The following IGSF9 variants were observed in gnomAD, a reference collection of about 807,000 sequenced individuals.
IGSF9 encodes immunoglobulin superfamily member 9.
A neutral mutation model predicts 121.7 loss-of-function variants in IGSF9; 87 were observed. The ratio of observed to expected loss-of-function variants is 0.71; its 90% CI spans 0.60 to 0.85. The LOEUF is 0.85. IGSF9 is among the 40% of genes least tolerant of loss of function. IGSF9 has a pLI of 0.00. For synonymous variants in IGSF9, 640 were observed against 648.4 expected, an observed-to-expected ratio of 0.99 and a Z score of 0.20; for missense variants, 1,462 against 1,565.3, an observed-to-expected ratio of 0.93 and a Z score of 1.11.
Position 159,934,840 on chromosome 1 carries a change from G to A in IGSF9, c.674-18C>T. 6.2e-7 allele frequency: 1 copy of A among 1,613,596 alleles called. No individual in the cohort carries two copies. Among genetic ancestry groups the A allele is most frequent in the Non-Finnish European group, 8.5e-7 (1 of 1,179,910 alleles). On this transcript the variant is annotated intron_variant, in intron 6 of 20. Coordinates refer to ENST00000368094, the MANE Select transcript of IGSF9 (RefSeq NM_001135050.2). ...TGGGGGTCCTGTGGGATGCACAAGGGGAGGAAGGTGGCCTCAGCCCACAGT... is the reference window on the plus strand; with the variant it reads ...TGGGGGTCCTGTGGGATGCACAAGGAGAGGAAGGTGGCCTCAGCCCACAGT...
rs888595523 is a variant in IGSF9, at chr1:159,931,306, G to A, written c.1514-45C>T. On this transcript the variant is annotated intron_variant, in intron 12 of 20. Coordinates refer to ENST00000368094, the MANE Select transcript of IGSF9 (RefSeq NM_001135050.2). The surrounding 1 kb of genome is among the most constrained non-coding windows in gnomAD (Gnocchi z 4.8). ...GGGATGGTGGTCAGGGCCTGAGGGAGTGTACAGAGTAGCAGGGGCCCCAGG... is the reference window on the plus strand; with the variant it reads ...GGGATGGTGGTCAGGGCCTGAGGGAATGTACAGAGTAGCAGGGGCCCCAGG... 1.2e-6 allele frequency: 2 copies of A among 1,612,868 alleles called. No individual in the cohort carries two copies. Among genetic ancestry groups the A allele is most frequent in the Non-Finnish European group, 8.5e-7 (1 of 1,179,178 alleles).
rs1202495640 is a variant in IGSF9 at position 159,929,394 on chromosome 1, C to T, written c.2327-1G>A. On this transcript the variant is annotated splice_acceptor_variant, in intron 17 of 20. Coordinates refer to ENST00000368094, the MANE Select transcript of IGSF9 (RefSeq NM_001135050.2). LOFTEE classifies it high-confidence loss of function. ...GTCGGAGAGAAGATAAGAGGTGGAT[C>T]TGGAAGGGCATGAGAATAGTAGGTG... 6.2e-7 allele frequency: 1 copy of T among 1,614,004 alleles called. No individual in the cohort carries two copies. The highest frequency in any genetic ancestry group is 1.3e-5 in the African/African-American group (1 of 74,926).
Position 159,931,204 on chromosome 1 carries a change from T to C in IGSF9, c.1571A>G (p.Asn524Ser), listed in dbSNP as rs1397297674. ...ATCAAAGCCAGGCTCCCAGGAGACATTGGCACCCTTGGGCAAAGCCACCAC... is the reference window on the plus strand; with the variant it reads ...ATCAAAGCCAGGCTCCCAGGAGACACTGGCACCCTTGGGCAAAGCCACCAC... ...VSVVALPKGA[N>S]VSWEPGFDGG... Residue 524 changes from asparagine (N) to serine (S), a missense_variant, in exon 13 of 21, where the codon AAT becomes AGT. Asn to Ser is a conservative substitution (Grantham distance 46, BLOSUM62 1). Around this residue, in one of 3 missense-constraint regions of IGSF9, gnomAD observed 96 missense variants for 150.7 expected, o/e 0.64. Transcript: ENST00000368094. The surrounding 1 kb of genome is among the most constrained non-coding windows in gnomAD (Gnocchi z 4.8). The C allele has an allele frequency of 7.4e-6, 12 of 1,614,034 alleles. No individual in the cohort carries two copies. The highest frequency in any genetic ancestry group is 1.7e-5 in the Admixed American group (1 of 60,016).
rs1255241983 is a variant in IGSF9 at position 159,931,434 on chromosome 1, C to G, written c.1513+19G>C. The G allele has an allele frequency of 6.2e-7, 1 of 1,608,936 alleles. No homozygotes were observed. The highest frequency in any genetic ancestry group is 1.3e-5 in the African/African-American group (1 of 74,838). On this transcript the variant is annotated intron_variant, in intron 12 of 20. Coordinates refer to ENST00000368094, the MANE Select transcript of IGSF9 (RefSeq NM_001135050.2). The surrounding 1 kb of genome is among the most constrained non-coding windows in gnomAD (Gnocchi z 4.8). Reference sequence around the variant, plus strand: ...CAAGTAGTTTCTCCCAGCCCCTGGCCCTCTCTCCAGCCACTAACCCAGCAC... The same window carrying G: ...CAAGTAGTTTCTCCCAGCCCCTGGCGCTCTCTCCAGCCACTAACCCAGCAC...
In IGSF9 at chr1:159,931,259, T is replaced by C. The variant is rs1233285356; in HGVS notation, c.1516A>G (p.Thr506Ala). The change falls in exon 13 of 21, where the codon ACT becomes GCT. Residue 506 changes from threonine to alanine, a missense_variant and splice_region_variant. This residue lies in a region of IGSF9 where 96 missense variants were observed against 150.7 expected (regional missense o/e 0.64). Coordinates refer to ENST00000368094, the MANE Select transcript of IGSF9 (RefSeq NM_001135050.2). The surrounding 1 kb of genome is among the most constrained non-coding windows in gnomAD (Gnocchi z 4.8). ...ACATTGGTGACAACATGAGGGCTAG[T>C]GCCTAGGCAGGGGGGAATGGAGGGA... The part of the protein sequence containing the change: ...ATSTNVYVLG[T>A]SPHVVTNVSV... 1 of 1,613,918 alleles carries C rather than the reference T, an allele frequency of 6.2e-7. No individual in the cohort carries two copies. The highest frequency in any genetic ancestry group is 8.5e-7 in the Non-Finnish European group (1 of 1,179,952).
intron 3 of IGSF9, among the ~76,000 whole-genome samples, chr1:159,942,539 C>G (rs1320569): frequency 0.88 from 133,721 of 152,196 alleles, 60,641 homozygotes; most frequent in East Asian, 1. Context: ...AGGGGGAGAG[C>G]GCAGAGGAGT....
At chr1:159,933,794 C>T (rs937678937) in intron 9 of IGSF9, 2 of 271,464 alleles carry the variant, frequency 7.4e-6, no homozygotes, top group African/African-American at 2.3e-5. Context: ...ATGGTGCCCA[C>T]TTTAAGGATG....
rs1571214152 is a variant in IGSF9 at position 159,931,979 on chromosome 1, G to A, written c.1246-51C>T. On this transcript the variant is annotated intron_variant, in intron 10 of 20. Coordinates refer to ENST00000368094, the MANE Select transcript of IGSF9 (RefSeq NM_001135050.2). This position sits in a 1 kb window ranked among gnomAD's most constrained non-coding sequence, Gnocchi z 4.8. ...GGGGCCCTCTCTTACATCTAAGGCT[G>A]GCTACTCCCTCTCTCTGTGCTCCCT... The A allele has an allele frequency of 8.7e-7, 1 of 1,153,898 alleles. No individual in the cohort carries two copies. Among genetic ancestry groups the A allele is most frequent in the East Asian group, 2.4e-5 (1 of 41,914 alleles). 71.5% of individuals were successfully genotyped at this position (1,153,898 alleles called of 1,614,324 possible). A position where few individuals can be genotyped will look rare whatever the true frequency, so the allele number is the denominator to read the frequency against.
At chr1:159,942,843 C>T in intron 3 of IGSF9, 120 bp downstream of exon 3, 1 of 759,026 alleles carries the variant, frequency 1.3e-6, no homozygotes, top group South Asian at 1.7e-5. Flanking sequence ...GTTAAGGCAG[C>T]AGAGCTGGAG....
At chr1:159,929,157 G>A (rs1650877351) in intron 18 of IGSF9, 139 bp from the exon 19 acceptor site, 3 of 1,335,118 alleles carry the variant, frequency 2.2e-6, no homozygotes, top group Non-Finnish European at 3.1e-6. Context: ...CAAGGTGGAG[G>A]GGTGGAGGGA....
intron 3 of IGSF9, among the ~76,000 whole-genome samples, chr1:159,938,083 G>T (rs927248334): frequency 6.6e-6 from 1 of 152,128 alleles, no homozygotes; most frequent in African/African-American, 2.4e-5. Context: ...AACCTAGGGG[G>T]ACAGCAGGTG....
intron 14 of IGSF9, 93 bp from the exon 15 acceptor site, chr1:159,930,532 A>G: frequency 1.3e-6 from 2 of 1,514,874 alleles, no homozygotes; most frequent in Non-Finnish European, 1.8e-6. Context: ...TTCTCCCAGA[A>G]CCCCTGAAGA....
In IGSF9 at chr1:159,943,014, T is replaced by C. The variant is rs1453664796; in HGVS notation, c.196A>G (p.Ile66Val). Residue 66 changes from isoleucine to valine, a missense_variant, in exon 3 of 21, where the codon ATC (isoleucine) becomes GTC (valine). Physicochemically the swap from Ile to Val is conservative, Grantham distance 29. This residue lies in a region of IGSF9 where 558 missense variants were observed against 599.4 expected (regional missense o/e 0.93). Coordinates refer to ENST00000368094, the MANE Select transcript of IGSF9 (RefSeq NM_001135050.2). ...GAGTAGAGGCCGAACTGGATGAAGA[T>C]GGGAAGCAGGAATCCAAAGCGCAGC... ...EWLRFGFLLP[I>V]FIQFGLYSPR... 6.2e-7 allele frequency: 1 copy of C among 1,612,490 alleles called. No homozygotes were observed. Among genetic ancestry groups the C allele is most frequent in the African/African-American group, 1.3e-5 (1 of 74,688 alleles).
chr1:159,943,724 G>A, intron 1 of IGSF9, 96 bp from the exon 2 acceptor site: 1 of 392,090 alleles, frequency 2.6e-6, no homozygotes, highest in Non-Finnish European at 4.5e-6. Context: ...AGAGAAAGGA[G>A]GGAGGAGTGT....
Position 159,931,971 on chromosome 1 carries a change from C to G in IGSF9, c.1246-43G>C. On this transcript the variant is annotated intron_variant, in intron 10 of 20. Transcript: ENST00000368094. The surrounding 1 kb of genome is among the most constrained non-coding windows in gnomAD (Gnocchi z 4.8). ...CATTGGGAGGGGCCCTCTCTTACAT[C>G]TAAGGCTGGCTACTCCCTCTCTCTG... The G allele has an allele frequency of 8.1e-7, 1 of 1,228,220 alleles. No homozygotes were observed. Among genetic ancestry groups the G allele is most frequent in the Non-Finnish European group, 1.2e-6 (1 of 857,442 alleles). 76.1% of individuals were successfully genotyped at this position (1,228,220 alleles called of 1,614,324 possible).
intron 1 of IGSF9, among the ~76,000 whole-genome samples, chr1:159,944,437 GC>G (rs1287123113): frequency 1.3e-5 from 2 of 152,040 alleles, no homozygotes; most frequent in Non-Finnish European, 1.5e-5. Flanking sequence ...TCACGATACT[GC>G]CAAGCAGCCC....
intron 19 of IGSF9, 97 bp downstream of exon 19, chr1:159,928,061 G>A: frequency 1.3e-6 from 2 of 1,501,720 alleles, no homozygotes; most frequent in Admixed American, 2.0e-5. Context: ...TTCCCAGGGT[G>A]GGAGTGGAGC....
Position 159,928,388 on chromosome 1 carries a change from A to G in IGSF9, c.3000T>C (p.Ala1000=). The change falls in exon 19 of 21, where the codon GCT becomes GCC. Residue 1000 remains alanine (A), a synonymous_variant. Coordinates refer to ENST00000368094, the MANE Select transcript of IGSF9 (RefSeq NM_001135050.2). ...ATAEPPYTAL[A]DWTLRERLLP... ...GCAGCCGCTCCCTCAGTGTCCAGTCAGCCAGGGCTGTGTAAGGGGGCTCTG... is the reference window on the plus strand; with the variant it reads ...GCAGCCGCTCCCTCAGTGTCCAGTCGGCCAGGGCTGTGTAAGGGGGCTCTG... 1 of 1,609,378 alleles carries G rather than the reference A, an allele frequency of 6.2e-7. No homozygotes were observed. Among genetic ancestry groups the G allele is most frequent in the Non-Finnish European group, 8.5e-7 (1 of 1,178,034 alleles).
intron 6 of IGSF9, among the ~76,000 whole-genome samples, chr1:159,935,457 C>T (rs1205025071): frequency 6.6e-6 from 1 of 152,200 alleles, no homozygotes; most frequent in Admixed American, 6.5e-5. Context: ...GGCTGTCCCC[C>T]ATCTCCATGC....
Sources: gnomAD v4.1 joint callset for allele counts (sites outside exome capture counted in the v4.1 genomes callset) on GRCh38, gnomAD v4.1.1 for gene constraint, gnomAD v4.1.1 regional missense constraint, Gnocchi (gnomAD v3.1) non-coding constraint, MANE v1.5 for transcripts, NCBI Gene and HGNC (gene_info 2026-07-23, HGNC 2026-07-21) for gene names.